The following MAP2K5 variants were observed in gnomAD, a reference collection of about 807,000 sequenced individuals.
MAP2K5 encodes dual specificity mitogen-activated protein kinase kinase 5.
MAP2K5 carries 49 observed loss-of-function variants against 83.1 expected under a neutral mutation model. The observed-to-expected ratio is 0.59, with a 90% CI of 0.47 to 0.75. MAP2K5 has a LOEUF of 0.75. MAP2K5 is among the 30% of genes least tolerant of loss of function. MAP2K5 has a pLI of 0.00. For missense variants in MAP2K5, 457 were observed against 557.5 expected (o/e 0.82, Z 1.82); for synonymous variants, 202 against 191.8 (o/e 1.05, Z -0.44).
At chr15:67,792,083 A>G (rs559146032) in intron 21 of MAP2K5, among the ~76,000 whole-genome samples, 3 of 152,326 alleles carry the variant, frequency 2.0e-5, no homozygotes, top group Admixed American at 1.3e-4. Flanking sequence ...TACCTGCTCA[A>G]TGTGGACAGT....
rs143552468 is a variant in MAP2K5, at chr15:67,592,599, A to G, written c.432-327A>G. ...TAGTGCTTAGCAGATGACATTGTCC[A>G]CATGAAATTGCCTCTGAAAGGCTAT... On this transcript the variant is annotated intron_variant, in intron 6 of 21. Coordinates refer to ENST00000178640, the MANE Select transcript of MAP2K5 (RefSeq NM_145160.3). Among the ~76,000 whole-genome samples the G allele has an allele frequency of 2.7e-3, 411 of 152,382 alleles. 3 individuals are homozygous for G. The highest frequency in any genetic ancestry group is 9.5e-3 in the African/African-American group (395 of 41,588).
intron 17 of MAP2K5, among the ~76,000 whole-genome samples, chr15:67,732,112 G>C (rs2089236231): frequency 6.6e-6 from 1 of 152,220 alleles, no homozygotes; most frequent in Non-Finnish European, 1.5e-5. Flanking sequence ...CTTGCGAACA[G>C]TTTCTCAATT....
rs550128036 is a variant in MAP2K5 at position 67,563,463 on chromosome 15, T to G, written c.252+113T>G. 1 of 1,346,180 alleles carries G rather than the reference T, an allele frequency of 7.4e-7. No individual in the cohort carries two copies. Among genetic ancestry groups the G allele is most frequent in the South Asian group, 1.5e-5 (1 of 64,704 alleles). The allele number at this position is 1,346,180 out of a possible 1,614,324, so 83.4% of individuals were successfully genotyped here. A position where few individuals can be genotyped will look rare whatever the true frequency, so the allele number is the denominator to read the frequency against. On this transcript the variant is annotated intron_variant, in intron 3 of 21. Coordinates refer to ENST00000178640, the MANE Select transcript of MAP2K5 (RefSeq NM_145160.3). The surrounding 1 kb of genome is among the most constrained non-coding windows in gnomAD (Gnocchi z 4.5). The stretch of plus-strand genomic sequence containing the variant: ...AAATCACAGTTGTCATACATTTTTC[T>G]ATATAATAGGTAAAGGTTTCAAGGA...
chr15:67,675,651 A>G (rs1316381951), intron 13 of MAP2K5, among the ~76,000 whole-genome samples: 1 of 152,220 alleles, frequency 6.6e-6, no homozygotes, highest in Non-Finnish European at 1.5e-5. Flanking sequence ...AAACTTTGAG[A>G]TAACTGTGTA....
chr15:67,608,154 A>G (rs2141038618), intron 8 of MAP2K5, among the ~76,000 whole-genome samples: 1 of 152,328 alleles, frequency 6.6e-6, no homozygotes, highest in East Asian at 1.9e-4. Context: ...TAAGAGATCT[A>G]ATTTCCATTT....
intron 7 of MAP2K5, among the ~76,000 whole-genome samples, chr15:67,595,657 A>T (rs534158236): frequency 1.3e-5 from 2 of 152,336 alleles, no homozygotes; most frequent in South Asian, 4.1e-4. Flanking sequence ...AAAAAGTTTA[A>T]CACTTAGTCT....
chr15:67,547,554 C>G (rs1313285986), intron 1 of MAP2K5, among the ~76,000 whole-genome samples: 2 of 148,816 alleles, frequency 1.3e-5, no homozygotes, highest in African/African-American at 5.0e-5. Flanking sequence ...CTCCCAGGTT[C>G]AGGTGATTCT....
rs2089877149 is a variant in MAP2K5, at chr15:67,758,170, A to C, written c.1134+9569A>C. Among the ~76,000 whole-genome samples, 1 of 152,174 alleles carries C rather than the reference A, an allele frequency of 6.6e-6. No individual in the cohort carries two copies. The highest frequency in any genetic ancestry group is 2.4e-5 in the African/African-American group (1 of 41,430). On this transcript the variant is annotated intron_variant, in intron 19 of 21. Coordinates refer to ENST00000178640, the MANE Select transcript of MAP2K5 (RefSeq NM_145160.3). This position sits in a 1 kb window ranked among gnomAD's most constrained non-coding sequence, Gnocchi z 4.7. ...GTGGCAGTGCTGTGGAAGATGGATT[A>C]GAAAGGACATTGAAGCTGTAGTTCT...
intron 8 of MAP2K5, among the ~76,000 whole-genome samples, chr15:67,617,935 C>G (rs966651456): frequency 6.6e-6 from 1 of 152,166 alleles, no homozygotes; most frequent in Non-Finnish European, 1.5e-5. Flanking sequence ...CTCAAGCAAT[C>G]CTCCCACCTC....
chr15:67,673,058 A>G (rs527460484), intron 13 of MAP2K5, among the ~76,000 whole-genome samples: 16 of 152,254 alleles, frequency 1.1e-4, no homozygotes, highest in South Asian at 6.2e-4. Flanking sequence ...TGTTTTGTTT[A>G]CTGTAGCCTT....
In MAP2K5 at chr15:67,572,412, G is replaced by T. The variant is rs926437502; in HGVS notation, c.253-8342G>T. On this transcript the variant is annotated intron_variant, in intron 3 of 21. Transcript: ENST00000178640. This position sits in a 1 kb window ranked among gnomAD's most constrained non-coding sequence, Gnocchi z 4.2. The stretch of plus-strand genomic sequence containing the variant: ...GTTATCGGAAAGGGGTCCCAATCCA[G>T]ACCCTAAGAGAGAGTTCTTGGATCT... Among the ~76,000 whole-genome samples the T allele has an allele frequency of 5.3e-5, 8 of 152,138 alleles. No individual in the cohort carries two copies. In the East Asian group the frequency reaches 1.2e-3, roughly 22 times the overall value.
chr15:67,773,416 A>G (rs893069372), intron 21 of MAP2K5, among the ~76,000 whole-genome samples: 11 of 152,204 alleles, frequency 7.2e-5, no homozygotes, highest in Non-Finnish European at 1.0e-4. Flanking sequence ...AGTAAATAAT[A>G]ATTATAGTCT....
intron 19 of MAP2K5, among the ~76,000 whole-genome samples, chr15:67,765,239 G>T (rs1034492636): frequency 6.6e-6 from 1 of 152,176 alleles, no homozygotes; most frequent in Non-Finnish European, 1.5e-5. Context: ...CACGCCTGTA[G>T]TCCCAGCTAC....
intron 8 of MAP2K5, among the ~76,000 whole-genome samples, chr15:67,606,855 C>T (rs960596277): frequency 7.2e-5 from 11 of 152,066 alleles, no homozygotes; most frequent in African/African-American, 1.4e-4. Flanking sequence ...ACATGGAATT[C>T]CTTAGGGGAA....
chr15:67,585,076 C>CAA (rs59012209), intron 4 of MAP2K5, among the ~76,000 whole-genome samples: 21,261 of 121,744 alleles, frequency 0.17, 2,222 homozygotes, highest in South Asian at 0.33. Flanking sequence ...GAGAGAGGAG[C>CAA]AAAAAAAAAA....
chr15:67,609,004 G>A (rs2085846231), intron 8 of MAP2K5, among the ~76,000 whole-genome samples: 1 of 152,192 alleles, frequency 6.6e-6, no homozygotes, highest in African/African-American at 2.4e-5. Flanking sequence ...GACACAATGT[G>A]TTGTTCATTG....
At chr15:67,791,783 T>A (rs1448126107) in intron 21 of MAP2K5, among the ~76,000 whole-genome samples, 1 of 152,188 alleles carries the variant, frequency 6.6e-6, no homozygotes, top group Non-Finnish European at 1.5e-5. Context: ...AATGCTGGTA[T>A]CAGTAAATAT....
chr15:67,622,984 C>G (rs1475824973), intron 8 of MAP2K5, among the ~76,000 whole-genome samples: 1 of 152,110 alleles, frequency 6.6e-6, no homozygotes, highest in East Asian at 1.9e-4. Flanking sequence ...CGCCTGTAGT[C>G]CCAGCTACTC....
intron 15 of MAP2K5, among the ~76,000 whole-genome samples, chr15:67,695,551 T>C (rs1298775749): frequency 6.6e-6 from 1 of 152,224 alleles, no homozygotes; most frequent in East Asian, 1.9e-4. Flanking sequence ...ATAGCCTTGC[T>C]GAATGCTAAG....
Sources: allele counts gnomAD v4.1 joint callset (sites outside exome capture counted in the v4.1 genomes callset), GRCh38; gene constraint gnomAD v4.1.1; non-coding constraint Gnocchi (gnomAD v3.1); transcripts MANE v1.5; gene names NCBI Gene and HGNC (gene_info 2026-07-23, HGNC 2026-07-21).